NTM: variants seen among roughly 807,000 people sequenced by gnomAD.
NTM encodes neurotrimin, also known as IgLON family member 2.
Under a neutral mutation model 42.1 loss-of-function variants are expected in NTM, and 13 were observed. That is an observed-to-expected ratio of 0.31 (90% CI 0.20 to 0.49). The LOEUF is 0.49. Ranked by LOEUF, NTM falls within the 20% of genes least tolerant of loss-of-function variation. NTM has a pLI of 0.99. For synonymous variants in NTM, 187 were observed against 179.2 expected, an observed-to-expected ratio of 1.04 and a Z score of -0.35; for missense variants, 373 against 452.8, an observed-to-expected ratio of 0.82 and a Z score of 1.60.
At chr11:131,835,379 G>T (rs913647335) in intron 1 of NTM, among the ~76,000 whole-genome samples, 2 of 151,922 alleles carry the variant, frequency 1.3e-5, no homozygotes, top group African/African-American at 2.4e-5. Flanking sequence ...TTATCTCTAG[G>T]ATGGATAAAC....
At chr11:131,742,368 T>G in intron 1 of NTM, among the ~76,000 whole-genome samples, 1 of 152,242 alleles carries the variant, frequency 6.6e-6, no homozygotes, top group African/African-American at 2.4e-5. Context: ...TTGCTCGTGT[T>G]GGAATTTATT....
intron 2 of NTM, among the ~76,000 whole-genome samples, chr11:132,065,967 CTTTA>C (rs1258646482): frequency 2.0e-5 from 3 of 152,138 alleles, no homozygotes; most frequent in Non-Finnish European, 4.4e-5. Flanking sequence ...CTTGGTAAGT[CTTTA>C]TTTTTTTTCC....
intron 2 of NTM, among the ~76,000 whole-genome samples, chr11:131,982,820 A>C (rs962223967): frequency 5.9e-5 from 9 of 152,230 alleles, no homozygotes; most frequent in Non-Finnish European, 1.3e-4. Context: ...TTTGATAAGA[A>C]AAAAAGCCAA....
chr11:132,103,120 A>C (rs1008637860), intron 2 of NTM, among the ~76,000 whole-genome samples: 1 of 152,234 alleles, frequency 6.6e-6, no homozygotes, highest in Non-Finnish European at 1.5e-5. Context: ...GCAGGGGCAG[A>C]TGTTTCTGGA....
At chr11:131,763,064 A>G (rs1008827523) in intron 1 of NTM, among the ~76,000 whole-genome samples, 1 of 152,174 alleles carries the variant, frequency 6.6e-6, no homozygotes, top group Non-Finnish European at 1.5e-5. Flanking sequence ...TGGCATCCCA[A>G]TCTGAACTCA....
intron 1 of NTM, among the ~76,000 whole-genome samples, chr11:131,696,812 A>C (rs964644580): frequency 2.2e-5 from 3 of 138,352 alleles, no homozygotes; most frequent in Non-Finnish European, 4.4e-5. Flanking sequence ...CACACACACA[A>C]GGCAAACCAC....
chr11:132,126,973 CG>C (rs2065943795), intron 2 of NTM, among the ~76,000 whole-genome samples: 1 of 152,168 alleles, frequency 6.6e-6, no homozygotes, highest in African/African-American at 2.4e-5. Flanking sequence ...TTGCTTCTTT[CG>C]GGCCTTATTG....
chr11:132,244,614 C>T (rs1195703496), intron 4 of NTM, among the ~76,000 whole-genome samples: 1 of 152,146 alleles, frequency 6.6e-6, no homozygotes, highest in African/African-American at 2.4e-5. Flanking sequence ...CAGGTGAGAA[C>T]CTTCTCTTTT....
intron 1 of NTM, among the ~76,000 whole-genome samples, chr11:131,470,827 C>A (rs927353366): frequency 1.3e-5 from 2 of 152,204 alleles, no homozygotes; most frequent in African/African-American, 2.4e-5. Context: ...AAGCAGCCAG[C>A]TTCTGGGAGC....
chr11:131,954,794 A>G (rs2061392299), intron 2 of NTM, among the ~76,000 whole-genome samples: 1 of 152,180 alleles, frequency 6.6e-6, no homozygotes, highest in Non-Finnish European at 1.5e-5. Context: ...ACAGTTATGT[A>G]GTTATATTTT....
rs1592361060 is a variant in NTM, at chr11:131,865,169, A to T, written c.83-46395A>T. On this transcript the variant is annotated intron_variant, in intron 1 of 8. Coordinates refer to ENST00000683400, the MANE Select transcript of NTM (RefSeq NM_001352005.2). Reference sequence around the variant, plus strand: ...GTATTAGTATCCCCATTTACAGATAAGAATGCTGAGGCTTAGAAAGATCGA... The same window carrying T: ...GTATTAGTATCCCCATTTACAGATATGAATGCTGAGGCTTAGAAAGATCGA... 2.0e-5 allele frequency among the ~76,000 whole-genome samples: 3 copies of T among 152,364 alleles called. No individual in the cohort carries two copies. In the South Asian group the frequency reaches 6.2e-4, roughly 32 times the overall value.
intron 1 of NTM, among the ~76,000 whole-genome samples, chr11:131,806,359 G>A (rs1351446603): frequency 6.6e-6 from 1 of 151,976 alleles, no homozygotes; most frequent in African/African-American, 2.4e-5. Flanking sequence ...AAAGATATGT[G>A]GTTAAAACTG....
chr11:131,702,896 T>C (rs2076219257), intron 1 of NTM, among the ~76,000 whole-genome samples: 1 of 152,210 alleles, frequency 6.6e-6, no homozygotes, highest in South Asian at 2.1e-4. Context: ...GATAGACTGA[T>C]GTGTATAACA....
At chr11:131,982,734 G>A (rs535570420) in intron 2 of NTM, among the ~76,000 whole-genome samples, 1 of 152,340 alleles carries the variant, frequency 6.6e-6, no homozygotes, top group South Asian at 2.1e-4. Context: ...AAGGACTCAG[G>A]CTGTGGTGCC....
chr11:132,326,713 G>A (rs560522151), intron 7 of NTM, among the ~76,000 whole-genome samples: 3 of 152,234 alleles, frequency 2.0e-5, no homozygotes, highest in Non-Finnish European at 4.4e-5. Context: ...CAGTAGAGCT[G>A]CTAGACTCTT....
intron 1 of NTM, 170 bp from the exon 2 acceptor site, chr11:131,911,394 C>G (rs945086599): frequency 2.0e-4 from 318 of 1,587,906 alleles, no homozygotes; most frequent in Non-Finnish European, 2.6e-4. Context: ...TCCCCGCGCT[C>G]GCTCCGCACC....
At chr11:131,773,819 G>T (rs1028313235) in intron 1 of NTM, among the ~76,000 whole-genome samples, 1 of 152,054 alleles carries the variant, frequency 6.6e-6, no homozygotes, top group African/African-American at 2.4e-5. Context: ...ACTTCATTTT[G>T]CCCTGCACTT....
At chr11:132,249,132 G>A (rs966331696) in intron 4 of NTM, among the ~76,000 whole-genome samples, 1 of 152,166 alleles carries the variant, frequency 6.6e-6, no homozygotes, top group Non-Finnish European at 1.5e-5. Context: ...TTCTCTCCAA[G>A]CTCTCTCCAG....
chr11:131,522,129 C>T (rs414864), intron 1 of NTM, among the ~76,000 whole-genome samples: 67,515 of 151,994 alleles, frequency 0.44, 15,875 homozygotes, highest in African/African-American at 0.61. Flanking sequence ...GCTTCGTCAA[C>T]GTATGTTAAT....
Sources: gnomAD v4.1 joint callset for allele counts (sites outside exome capture counted in the v4.1 genomes callset) on GRCh38, gnomAD v4.1.1 for gene constraint, MANE v1.5 for transcripts, NCBI Gene and HGNC (gene_info 2026-07-23, HGNC 2026-07-21) for gene names.